Variants in NEBL observed in about 807,000 individuals in gnomAD.
NEBL encodes nebulette.
NEBL carries 122 observed loss-of-function variants against 140.2 expected under a neutral mutation model. The ratio of observed to expected loss-of-function variants is 0.87; its 90% confidence interval spans 0.75 to 1.01. NEBL has a LOEUF of 1.01. Among genes scored for constraint, NEBL ranks in the 50% least tolerant of loss-of-function variants. The pLI is 0.00. For synonymous variants in NEBL, 436 were observed against 398.9 expected (o/e 1.09, Z -1.11); for missense variants, 1,365 against 1,231.3 (o/e 1.11, Z -1.62).
chr10:20,818,641 A>AT (rs965633365), intron 20 of NEBL: 5 of 257,930 alleles, frequency 1.9e-5, no homozygotes, highest in Non-Finnish European at 2.4e-5. Context: ...CATTAACTGC[A>AT]TTTTTTTAAA....
At chr10:21,034,808 TTTTTA>T (rs1833948823) in intron 2 of NEBL, among the ~76,000 whole-genome samples, 1 of 152,130 alleles carries the variant, frequency 6.6e-6, no homozygotes, top group Non-Finnish European at 1.5e-5. Flanking sequence ...CTTTTTTAAA[TTTTTA>T]TTTTAAGTTC....
At chr10:20,992,131 G>A (rs1837480853) in intron 3 of NEBL, among the ~76,000 whole-genome samples, 1 of 152,118 alleles carries the variant, frequency 6.6e-6, no homozygotes, top group South Asian at 2.1e-4. Flanking sequence ...TAAAAGTAAT[G>A]AAATAAATTA....
chr10:20,846,427 A>G (rs1841952725), intron 11 of NEBL, among the ~76,000 whole-genome samples: 1 of 152,194 alleles, frequency 6.6e-6, no homozygotes, highest in Non-Finnish European at 1.5e-5. Flanking sequence ...GAATAAGAGA[A>G]GCATGCTGTC....
rs557255481 is a variant in NEBL at position 20,838,783 on chromosome 10, C to A, written c.1338+1956G>T. Among the ~76,000 whole-genome samples, 116 of 152,266 alleles carry A rather than the reference C, an allele frequency of 7.6e-4. 2 individuals are homozygous for A. Among genetic ancestry groups the A allele is most frequent in the Non-Finnish European group, 1.5e-5 (1 of 68,034 alleles). On this transcript the variant is annotated intron_variant, in intron 13 of 27. Coordinates refer to ENST00000377122, the MANE Select transcript of NEBL (RefSeq NM_006393.3). ...CAGTCGGCAGCCATCAATATAGAGA[C>A]AAGACCCTCCGCCAGTGAAAAGATT...
chr10:20,903,201 T>C (rs1325423839), intron 4 of NEBL, among the ~76,000 whole-genome samples: 2 of 152,132 alleles, frequency 1.3e-5, no homozygotes, highest in Non-Finnish European at 2.9e-5. Context: ...TAAACTAGGA[T>C]AGTAATGGCA....
chr10:21,027,319 T>A (rs1240924028), intron 2 of NEBL, among the ~76,000 whole-genome samples: 3 of 113,768 alleles, frequency 2.6e-5, no homozygotes, highest in Non-Finnish European at 6.3e-5. Context: ...AAACAACAAC[T>A]TTTTTTGTTT....
rs1293400723 is a variant in NEBL, at chr10:20,781,349, G to A, written c.*4398C>T. 2 of 152,406 alleles carry A rather than the reference G, an allele frequency of 1.3e-5. No individual in the cohort carries two copies. Among genetic ancestry groups the A allele is most frequent in the Non-Finnish European group, 2.9e-5 (2 of 68,030 alleles). 9.4% of individuals were successfully genotyped at this position (152,406 alleles called of 1,614,324 possible). ...CAACCACAATTCTACATATTTTGAA[G>A]CAAACAGAAGCCAAACTGTACAATG... On this transcript the variant is annotated 3_prime_UTR_variant, in exon 28 of 28. Coordinates refer to ENST00000377122, the MANE Select transcript of NEBL (RefSeq NM_006393.3).
At chr10:20,945,853 C>G (rs1364305158) in intron 4 of NEBL, among the ~76,000 whole-genome samples, 1 of 152,134 alleles carries the variant, frequency 6.6e-6, no homozygotes, top group Non-Finnish European at 1.5e-5. Flanking sequence ...AAAAACAAAC[C>G]AACAAACTTG....
chr10:21,158,353 A>G lies in NEBL; in HGVS notation c.164+14030T>C, dbSNP rs74888649. On this transcript the variant is annotated intron_variant, in intron 2 of 6. Coordinates refer to the NEBL transcript ENST00000417816. ...AATAGTAATAATAGCCAACATTTATACAGTGTCTACTCTATGTCAACTATT... is the reference window on the plus strand; with the variant it reads ...AATAGTAATAATAGCCAACATTTATGCAGTGTCTACTCTATGTCAACTATT... Among the ~76,000 whole-genome samples the G allele has an allele frequency of 6.2e-3, 945 of 152,322 alleles. 47 individuals are homozygous for G. In the East Asian group the frequency reaches 0.12, roughly 20 times the overall value.
intron 26 of NEBL, among the ~76,000 whole-genome samples, chr10:20,807,061 C>G (rs1197966092): frequency 6.6e-6 from 1 of 152,196 alleles, no homozygotes; most frequent in Non-Finnish European, 1.5e-5. Flanking sequence ...TACAGTGGCT[C>G]ACGCCTCTGA....
intron 4 of NEBL, among the ~76,000 whole-genome samples, chr10:20,906,495 A>C (rs542625883): frequency 8.5e-4 from 129 of 152,310 alleles, no homozygotes; most frequent in African/African-American, 3.1e-3. Context: ...TAAAATTATA[A>C]TTAAAGTAAA....
chr10:21,065,834 G>C (rs967955709), intron 2 of NEBL, among the ~76,000 whole-genome samples: 3 of 152,168 alleles, frequency 2.0e-5, no homozygotes, highest in Non-Finnish European at 2.9e-5. Flanking sequence ...TCCTGGAACA[G>C]TCCCTGGAAG....
chr10:20,856,126 A>T (rs777249202), intron 9 of NEBL, among the ~76,000 whole-genome samples: 3 of 152,222 alleles, frequency 2.0e-5, no homozygotes, highest in Non-Finnish European at 4.4e-5. Flanking sequence ...GGAAGTAGTC[A>T]ATCACAATTT....
At chr10:20,816,662 A>G (rs1800088553) in intron 21 of NEBL, among the ~76,000 whole-genome samples, 1 of 152,204 alleles carries the variant, frequency 6.6e-6, no homozygotes, top group African/African-American at 2.4e-5. Flanking sequence ...ATAGATTTCC[A>G]AGTTTCCTCT....
intron 2 of NEBL, among the ~76,000 whole-genome samples, chr10:21,067,713 G>A (rs1835630801): frequency 6.6e-6 from 1 of 152,092 alleles, no homozygotes; most frequent in Admixed American, 6.6e-5. Context: ...AGGCACGGTG[G>A]CTCCTATAAT....
At chr10:20,824,795 G>A (rs1475732136) in intron 18 of NEBL, among the ~76,000 whole-genome samples, 2 of 152,122 alleles carry the variant, frequency 1.3e-5, no homozygotes, top group African/African-American at 4.8e-5. Flanking sequence ...TTTTCAAAGG[G>A]ACTCTAATCA....
At chr10:21,005,117 A>C (rs1838079697) in intron 3 of NEBL, among the ~76,000 whole-genome samples, 1 of 152,196 alleles carries the variant, frequency 6.6e-6, no homozygotes, top group Non-Finnish European at 1.5e-5. Context: ...CAAATACCAA[A>C]TTGAGGACAG....
chr10:21,061,843 C>A (rs1453382581), intron 2 of NEBL, among the ~76,000 whole-genome samples: 1 of 152,142 alleles, frequency 6.6e-6, no homozygotes, highest in Admixed American at 6.5e-5. Flanking sequence ...ACTTGGGTCA[C>A]CTCTGTACTT....
At chr10:20,807,140 C>T (rs1040217573) in intron 26 of NEBL, among the ~76,000 whole-genome samples, 2 of 152,064 alleles carry the variant, frequency 1.3e-5, no homozygotes, top group African/African-American at 4.8e-5. Context: ...GCATGGACAA[C>T]ATTGCGAGAC....
Sources: allele counts gnomAD v4.1 joint callset (sites outside exome capture counted in the v4.1 genomes callset), GRCh38; gene constraint gnomAD v4.1.1; transcripts MANE v1.5; gene names NCBI Gene and HGNC (gene_info 2026-07-23, HGNC 2026-07-21).